Variants in ARRDC2 observed in about 807,000 individuals in gnomAD.
ARRDC2 encodes the protein arrestin domain containing 2, also known as arrestin domain-containing protein 2.
In ARRDC2, 39 loss-of-function variants were observed where a neutral mutation model predicts 38.9. The ratio of observed to expected loss-of-function variants is 1.00; its 90% CI spans 0.78 to 1.31. The LOEUF is 1.31. ARRDC2 is among the 50% of genes most tolerant of loss of function. The probability of loss-of-function intolerance (pLI) is 0.00; values close to 1 mark genes in which losing one functional copy is unlikely to be tolerated. For missense variants in ARRDC2, 553 were observed against 588.4 expected, an observed-to-expected ratio of 0.94 and a Z score of 0.62; for synonymous variants, 300 against 261.9, an observed-to-expected ratio of 1.15 and a Z score of -1.41.
At chr19:18,010,765 C>T (rs1321449596) in intron 7 of ARRDC2, 36 bp downstream of exon 7, 2 of 1,600,358 alleles carry the variant, frequency 1.2e-6, no homozygotes, top group Non-Finnish European at 1.7e-6. Flanking sequence ...CCATGCCTCT[C>T]TGGGCCCTGG....
At chr19:18,011,944 A>ATT in intron 7 of ARRDC2, among the ~76,000 whole-genome samples, 1 of 52,742 alleles carries the variant, frequency 1.9e-5, no homozygotes, top group Non-Finnish European at 3.7e-5. Flanking sequence ...GTATATATAT[A>ATT]TATATATATT....
chr19:18,004,294 C>T (rs796708086), upstream of ARRDC2, among the ~76,000 whole-genome samples: 25 of 142,958 alleles, frequency 1.7e-4, no homozygotes, highest in African/African-American at 6.0e-4. Flanking sequence ...GTTGCCCAGG[C>T]TGGAGTGCAA....
upstream of ARRDC2, among the ~76,000 whole-genome samples, chr19:18,006,487 C>T (rs1039543544): frequency 3.9e-5 from 6 of 152,274 alleles, no homozygotes; most frequent in Middle Eastern, 3.4e-3. Flanking sequence ...GGCGTGGCGG[C>T]GCGCGCCTGC....
chr19:18,008,149 G>T, upstream of ARRDC2: 1 of 959,864 alleles, frequency 1.0e-6, no homozygotes, highest in South Asian at 1.6e-5. Context: ...GTATAAAAGC[G>T]GCGCCGACGC....
intron 1 of ARRDC2, among the ~76,000 whole-genome samples, chr19:18,002,306 G>C (rs1300970025): frequency 6.6e-6 from 1 of 152,186 alleles, no homozygotes; most frequent in African/African-American, 2.4e-5. Flanking sequence ...AGATGAAGTG[G>C]GGTCACATTC....
chr19:18,012,864 A>G (rs2033440984), intron 7 of ARRDC2, 49 bp from the exon 8 acceptor site: 3 of 1,584,092 alleles, frequency 1.9e-6, no homozygotes, highest in African/African-American at 1.4e-5. Context: ...GTATTTCTGA[A>G]TTTCTGTTTC....
At chr19:18,012,641 C>T (rs1012106488) in intron 7 of ARRDC2, among the ~76,000 whole-genome samples, 1 of 152,016 alleles carries the variant, frequency 6.6e-6, no homozygotes, top group South Asian at 2.1e-4. Flanking sequence ...TTAGATTATC[C>T]GCAAATATTA....
intron 1 of ARRDC2, 27 bp downstream of exon 1, chr19:18,008,611 C>T: frequency 6.3e-7 from 1 of 1,597,064 alleles, no homozygotes; most frequent in Non-Finnish European, 8.5e-7. Flanking sequence ...CCTGCTCCAA[C>T]ACCAGTTGTG....
rs766434768 is a variant in ARRDC2 at position 18,010,732 on chromosome 19, G to A, written c.1170+3G>A. Reference sequence around the variant, plus strand: ...GCCCGCCACCCCTGTACTCTGAGGTGAGCTCAGGGGTCTGAGAACCACCCA... The same window carrying A: ...GCCCGCCACCCCTGTACTCTGAGGTAAGCTCAGGGGTCTGAGAACCACCCA... On this transcript the variant is annotated splice_donor_region_variant and intron_variant, in intron 7 of 7. Coordinates refer to ENST00000222250, the MANE Select transcript of ARRDC2 (RefSeq NM_015683.2). The A allele has an allele frequency of 1.2e-6, 2 of 1,613,348 alleles. No individual in the cohort carries two copies. The highest frequency in any genetic ancestry group is 2.7e-5 in the African/African-American group (2 of 74,920).
chr19:18,004,940 G>A (rs1042705852), upstream of ARRDC2, among the ~76,000 whole-genome samples: 6 of 151,122 alleles, frequency 4.0e-5, no homozygotes, highest in East Asian at 1.9e-4. Flanking sequence ...AACCTAGATC[G>A]CGCCACTGCA....
chr19:18,011,952 A>ATTTT (rs71164342), intron 7 of ARRDC2, among the ~76,000 whole-genome samples: 15 of 100,754 alleles, frequency 1.5e-4, no homozygotes, highest in African/African-American at 3.0e-4. Flanking sequence ...ATATATATAT[A>ATTTT]TTTTTTTTTT....
chr19:18,001,332 G>A (rs913748590), exon 1 of ARRDC2: 14 of 1,195,010 alleles, frequency 1.2e-5, no homozygotes, highest in Non-Finnish European at 1.5e-5. Context: ...CTGGGGGCGT[G>A]CGCAGCTTCG....
intron 2 of ARRDC2, 84 bp downstream of exon 2, chr19:18,008,861 C>G: frequency 1.3e-6 from 2 of 1,593,520 alleles, no homozygotes; most frequent in East Asian, 2.2e-5. Context: ...CTGGGCACCT[C>G]TGAGCCCCAA....
At chr19:18,003,025 G>A (rs1011424225) in intron 1 of ARRDC2, among the ~76,000 whole-genome samples, 4 of 152,040 alleles carry the variant, frequency 2.6e-5, no homozygotes, top group African/African-American at 9.7e-5. Flanking sequence ...GCTTGAACCC[G>A]GCAGGCGGAG....
chr19:18,003,936 GC>G (rs1175625214), upstream of ARRDC2, among the ~76,000 whole-genome samples: 1 of 151,860 alleles, frequency 6.6e-6, no homozygotes, highest in East Asian at 2.0e-4. Context: ...ACAGTGCCCG[GC>G]CAATTTTTGT....
upstream of ARRDC2, among the ~76,000 whole-genome samples, chr19:18,004,171 A>G (rs1171278351): frequency 7.6e-5 from 11 of 143,918 alleles, no homozygotes; most frequent in Non-Finnish European, 1.4e-4. Context: ...ACTTGAGGTC[A>G]GGAGTTCAAG....
intron 1 of ARRDC2, among the ~76,000 whole-genome samples, chr19:18,002,992 A>G (rs1009672218): frequency 1.3e-5 from 2 of 151,834 alleles, no homozygotes; most frequent in Non-Finnish European, 2.9e-5. Flanking sequence ...AATCCCAGCA[A>G]CTCGGGAGGC....
chr19:18,009,877 C>T lies in ARRDC2; in HGVS notation c.687C>T (p.Ala229=). 1 of 1,611,200 alleles carries T rather than the reference C, an allele frequency of 6.2e-7. No individual in the cohort carries two copies. The highest frequency in any genetic ancestry group is 8.5e-7 in the Non-Finnish European group (1 of 1,179,764). Residue 229 remains alanine (A), a synonymous_variant, in exon 5 of 8, where the codon GCC becomes GCT. Coordinates refer to ENST00000222250, the MANE Select transcript of ARRDC2 (RefSeq NM_015683.2). ...TGGTGCAGACACAGACGTTCATGGC[C>T]CGAGGCGCCCGAAAGCAGAAACGGG... is the stretch of plus-strand genomic sequence containing the variant. ...AAVVQTQTFM[A]RGARKQKRAV... is the part of the protein sequence containing the mutation.
upstream of ARRDC2, among the ~76,000 whole-genome samples, chr19:18,003,337 G>C (rs1251352205): frequency 6.6e-6 from 1 of 151,956 alleles, no homozygotes; most frequent in Non-Finnish European, 1.5e-5. Flanking sequence ...CACGATCTCG[G>C]CTCACTGCAA....
Sources: allele counts gnomAD v4.1 joint callset (sites outside exome capture counted in the v4.1 genomes callset), GRCh38; gene constraint gnomAD v4.1.1; transcripts MANE v1.5; gene names NCBI Gene and HGNC (gene_info 2026-07-23, HGNC 2026-07-21).